BTBD9: variants seen among roughly 807,000 people sequenced by gnomAD.
The protein encoded by BTBD9 is BTB domain containing 9, also known as BTB/POZ domain-containing protein 9.
Under a neutral mutation model 64.3 loss-of-function variants are expected in BTBD9, and 49 were observed. The observed-to-expected ratio is 0.76, with a 90% confidence interval of 0.61 to 0.97. BTBD9 has a LOEUF of 0.97. BTBD9 is among the 50% of genes least tolerant of loss of function. The pLI is 0.00. For synonymous variants in BTBD9, 260 were observed against 274.7 expected (o/e 0.95, Z 0.53); for missense variants, 598 against 762.1 (o/e 0.78, Z 2.53).
At chr6:38,594,360 C>A in intron 2 of BTBD9, 33 bp from the exon 3 acceptor site, 5 of 1,537,720 alleles carry the variant, frequency 3.3e-6, no homozygotes, top group South Asian at 1.3e-5. Flanking sequence ...ATGAAGAAAC[C>A]CTCAAATAGG....
At chr6:38,358,937 A>G (rs1764844732) in intron 6 of BTBD9, among the ~76,000 whole-genome samples, 1 of 150,186 alleles carries the variant, frequency 6.7e-6, no homozygotes, top group South Asian at 2.1e-4. Context: ...GCGCCCGGCT[A>G]ATTTTTTGTA....
At chr6:38,525,743 G>C (rs981144373) in intron 6 of BTBD9, among the ~76,000 whole-genome samples, 3 of 152,168 alleles carry the variant, frequency 2.0e-5, no homozygotes, top group Non-Finnish European at 4.4e-5. Context: ...CCTGCTTTAG[G>C]AATCTGTTGA....
chr6:38,425,736 C>T (rs1185142650), intron 6 of BTBD9, among the ~76,000 whole-genome samples: 1 of 150,286 alleles, frequency 6.7e-6, no homozygotes, highest in Admixed American at 6.6e-5. Context: ...AGTGAGACCC[C>T]ATCACTACCA....
rs536505520 is a variant in BTBD9, at chr6:38,555,351, C to T, written c.1154+22249G>A. Among the ~76,000 whole-genome samples, 261 of 152,156 alleles carry T rather than the reference C, an allele frequency of 1.7e-3. 1 individual carries two copies. The highest frequency in any genetic ancestry group is 6.0e-3 in the African/African-American group (250 of 41,504). Reference sequence around the variant, plus strand: ...CCCATTACAGGAGGTTCTCATTATTCCAGAACAACAATTACCTGAAAAAGG... The same window carrying T: ...CCCATTACAGGAGGTTCTCATTATTTCAGAACAACAATTACCTGAAAAAGG... On this transcript the variant is annotated intron_variant, in intron 6 of 10. Coordinates refer to ENST00000481247, the MANE Select transcript of BTBD9 (RefSeq NM_001099272.2).
At chr6:38,595,547 G>A (rs1426104774) in intron 2 of BTBD9, among the ~76,000 whole-genome samples, 2 of 152,124 alleles carry the variant, frequency 1.3e-5, no homozygotes, top group African/African-American at 4.8e-5. Flanking sequence ...AGAAAAGGGA[G>A]AGAAGAATAC....
In BTBD9 at chr6:38,398,369, C is replaced by T. The variant is rs1296687905; in HGVS notation, c.1155-53276G>A. Among the ~76,000 whole-genome samples, 3 of 152,292 alleles carry T rather than the reference C, an allele frequency of 2.0e-5. No homozygotes were observed. In the East Asian group the frequency reaches 5.8e-4, roughly 29 times the overall value. On this transcript the variant is annotated intron_variant, in intron 6 of 10. Coordinates refer to ENST00000481247, the MANE Select transcript of BTBD9 (RefSeq NM_001099272.2). The stretch of plus-strand genomic sequence containing the variant: ...TCCCAATCCTCCCCTCATTCACACT[C>T]AGATAACTGTGTGCATGGCAAGCCT...
intron 6 of BTBD9, among the ~76,000 whole-genome samples, chr6:38,362,479 A>C (rs984156833): frequency 8.5e-5 from 13 of 152,238 alleles, no homozygotes; most frequent in African/African-American, 3.1e-4. Flanking sequence ...ACTGAAGAAT[A>C]ATTTTAAAAG....
intron 6 of BTBD9, among the ~76,000 whole-genome samples, chr6:38,537,033 C>T (rs931650123): frequency 6.6e-6 from 1 of 152,044 alleles, no homozygotes; most frequent in African/African-American, 2.4e-5. Flanking sequence ...ATCCCATTTA[C>T]CCTGAGGTGA....
At chr6:38,492,896 T>C (rs1771768577) in intron 6 of BTBD9, among the ~76,000 whole-genome samples, 1 of 152,212 alleles carries the variant, frequency 6.6e-6, no homozygotes. Context: ...GTGAAGGAGT[T>C]GGCAAATTAT....
chr6:38,238,956 G>A (rs1561912780), intron 9 of BTBD9, among the ~76,000 whole-genome samples: 1 of 152,152 alleles, frequency 6.6e-6, no homozygotes, highest in East Asian at 1.9e-4. Flanking sequence ...ATCATGGCCT[G>A]AACAAGTTTT....
intron 9 of BTBD9, among the ~76,000 whole-genome samples, chr6:38,220,746 GA>G (rs1751632883): frequency 6.6e-6 from 1 of 152,190 alleles, no homozygotes; most frequent in African/African-American, 2.4e-5. Context: ...AAATGCAGCC[GA>G]AAGAATAGCA....
At chr6:38,515,399 G>A (rs983302924) in intron 6 of BTBD9, among the ~76,000 whole-genome samples, 2 of 152,110 alleles carry the variant, frequency 1.3e-5, no homozygotes, top group Non-Finnish European at 2.9e-5. Context: ...GTAAATAAGC[G>A]AATTTGCTTA....
At chr6:38,229,605 CT>C (rs1561901705) in intron 9 of BTBD9, among the ~76,000 whole-genome samples, 1 of 152,168 alleles carries the variant, frequency 6.6e-6, no homozygotes, top group Non-Finnish European at 1.5e-5. Flanking sequence ...ACAGTGTAGA[CT>C]AAGACTGCTC....
At chr6:38,295,956 G>C (rs902524201) in intron 7 of BTBD9, among the ~76,000 whole-genome samples, 23 of 152,154 alleles carry the variant, frequency 1.5e-4, no homozygotes, top group Non-Finnish European at 1.3e-4. Context: ...GCTGAGGCAG[G>C]AGAATCGCTT....
chr6:38,464,016 A>G (rs148933967), intron 6 of BTBD9, among the ~76,000 whole-genome samples: 3,172 of 152,240 alleles, frequency 0.021, 55 homozygotes, highest in Non-Finnish European at 0.032. Context: ...TGGGGAACAA[A>G]GTGAGACCGT....
At position 38,356,504 on chromosome 6, in the gene BTBD9, G is replaced by A. The variant is rs77227483; in HGVS notation, c.1155-11411C>T. Among the ~76,000 whole-genome samples the A allele has an allele frequency of 1.4e-3, 220 of 152,130 alleles. 2 individuals are homozygous for A. Among genetic ancestry groups the A allele is most frequent in the African/African-American group, 5.2e-3 (215 of 41,492 alleles). ...CCTTTAACATTTTAAATTTCCAAGT[G>A]TACTTCTTATTCTCTAAATGCTCCT... On this transcript the variant is annotated intron_variant, in intron 6 of 10. Coordinates refer to ENST00000481247, the MANE Select transcript of BTBD9 (RefSeq NM_001099272.2).
rs1433350017 is a variant in BTBD9 at position 38,484,778 on chromosome 6, TAAC to T, written c.1154+92819_1154+92821del. On this transcript the variant is annotated intron_variant, in intron 6 of 10. Transcript: ENST00000481247. ...AACATACTTTATTGCTAAAAAATGT[TAAC>T]AATCATCTGAGTCTCAAGTGAGTCA... Among the ~76,000 whole-genome samples the T allele has an allele frequency of 2.6e-5, 4 of 152,256 alleles. No individual in the cohort carries two copies. In the East Asian group the frequency reaches 7.7e-4, roughly 29 times the overall value.
intron 6 of BTBD9, among the ~76,000 whole-genome samples, chr6:38,466,882 T>G (rs528398980): frequency 6.6e-6 from 1 of 152,124 alleles, no homozygotes; most frequent in Non-Finnish European, 1.5e-5. Context: ...CCTTCCTCAA[T>G]CACATTTTTA....
At chr6:38,235,002 C>G (rs993847755) in intron 9 of BTBD9, among the ~76,000 whole-genome samples, 2 of 152,222 alleles carry the variant, frequency 1.3e-5, no homozygotes, top group Non-Finnish European at 2.9e-5. Flanking sequence ...AGCAATTACA[C>G]TGTACTTCTC....
Sources: gnomAD v4.1 joint callset for allele counts (sites outside exome capture counted in the v4.1 genomes callset) on GRCh38, gnomAD v4.1.1 for gene constraint, MANE v1.5 for transcripts, NCBI Gene and HGNC (gene_info 2026-07-23, HGNC 2026-07-21) for gene names.